The following GRID1 variants were observed in gnomAD, a reference collection of about 807,000 sequenced individuals.
GRID1 encodes glutamate ionotropic receptor delta type subunit 1, also known as glutamate receptor ionotropic, delta-1.
GRID1 carries 28 observed loss-of-function variants against 98.0 expected under a neutral mutation model. The ratio of observed to expected loss-of-function variants is 0.29; its 90% CI spans 0.21 to 0.39. The LOEUF (loss-of-function observed/expected upper bound fraction) is 0.39. Ranked by LOEUF, GRID1 falls within the 10% of genes least tolerant of loss-of-function variation. GRID1 has a pLI of 1.00. For missense variants in GRID1, 1,111 were observed against 1,340.5 expected, an observed-to-expected ratio of 0.83 and a Z score of 2.67; for synonymous variants, 553 against 538.5, an observed-to-expected ratio of 1.03 and a Z score of -0.37.
chr10:86,147,472 G>T (rs1455478120), intron 3 of GRID1, among the ~76,000 whole-genome samples: 1 of 152,110 alleles, frequency 6.6e-6, no homozygotes, highest in Non-Finnish European at 1.5e-5. Context: ...AAAACAGCAT[G>T]GTGCTGGTAC....
chr10:85,736,850 T>A (rs1279286887), intron 8 of GRID1, among the ~76,000 whole-genome samples: 1 of 152,124 alleles, frequency 6.6e-6, no homozygotes, highest in Non-Finnish European at 1.5e-5. Context: ...GAACAACATG[T>A]TTAGATACAA....
At chr10:86,132,721 A>T (rs1340025999) in intron 4 of GRID1, among the ~76,000 whole-genome samples, 2 of 152,366 alleles carry the variant, frequency 1.3e-5, no homozygotes, top group East Asian at 3.9e-4. Flanking sequence ...CTATAAATGT[A>T]TTAAAAAGCA....
chr10:85,865,918 T>TATATATATATATATATATAC (rs1843211802), intron 6 of GRID1, among the ~76,000 whole-genome samples: 2 of 94,530 alleles, frequency 2.1e-5, no homozygotes, highest in South Asian at 7.2e-4. Context: ...TATACATATA[T>TATATATATATATATATATAC]ATATATATAT....
At chr10:85,797,609 A>AT (rs746153179) in intron 8 of GRID1, among the ~76,000 whole-genome samples, 11,392 of 117,974 alleles carry the variant, frequency 0.097, 884 homozygotes, top group East Asian at 0.28. Context: ...CTAAATCTGT[A>AT]TTTTTTTTTT....
intron 8 of GRID1, among the ~76,000 whole-genome samples, chr10:85,764,415 G>T (rs1816340393): frequency 1.3e-5 from 2 of 152,334 alleles, no homozygotes; most frequent in Middle Eastern, 6.8e-3. Context: ...CAAGTCCTCA[G>T]TGAAGCCCAA....
chr10:86,345,022 C>T (rs1848362671), intron 2 of GRID1, among the ~76,000 whole-genome samples: 2 of 152,168 alleles, frequency 1.3e-5, no homozygotes, highest in South Asian at 4.1e-4. Flanking sequence ...TGGAGGGCCC[C>T]AGCAGGAATG....
chr10:86,203,857 G>A (rs1181600416), intron 3 of GRID1, among the ~76,000 whole-genome samples: 1 of 152,094 alleles, frequency 6.6e-6, no homozygotes, highest in Non-Finnish European at 1.5e-5. Context: ...GACTGATCAT[G>A]GTGTTTTCTG....
chr10:85,965,116 T>C (rs1288670378), intron 4 of GRID1, among the ~76,000 whole-genome samples: 1 of 152,170 alleles, frequency 6.6e-6, no homozygotes, highest in African/African-American at 2.4e-5. Flanking sequence ...AGAATGGCAA[T>C]CATTGAAAAG....
At position 85,601,677 on chromosome 10, in the gene GRID1, A is replaced by G. The variant is rs1842578006; in HGVS notation, c.*596T>C. 6.6e-6 allele frequency: 1 copy of G among 152,640 alleles called. No individual in the cohort carries two copies. Among genetic ancestry groups the G allele is most frequent in the Non-Finnish European group, 1.5e-5 (1 of 68,424 alleles). The allele number at this position is 152,640 out of a possible 1,614,324, so 9.5% of individuals were successfully genotyped here. A position where few individuals can be genotyped will look rare whatever the true frequency, so the allele number is the denominator to read the frequency against. On this transcript the variant is annotated 3_prime_UTR_variant, in exon 16 of 16. Coordinates refer to ENST00000327946, the MANE Select transcript of GRID1 (RefSeq NM_017551.3). ...CGTCCCGCAAGATCCAAGACAGGAC[A>G]GGATAGCCCTGAGTCCAGGGCACCT...
At chr10:86,270,664 T>C (rs1431002246) in intron 2 of GRID1, among the ~76,000 whole-genome samples, 1 of 151,958 alleles carries the variant, frequency 6.6e-6, no homozygotes, top group East Asian at 1.9e-4. Context: ...CACTCCAGCC[T>C]GGGCAATAGA....
intron 12 of GRID1, among the ~76,000 whole-genome samples, chr10:85,656,080 A>G (rs1840892021): frequency 6.6e-6 from 1 of 151,434 alleles, no homozygotes; most frequent in Non-Finnish European, 1.5e-5. Flanking sequence ...TGCCTCCATT[A>G]CCCTCTTCCC....
chr10:86,293,523 T>C (rs1462861793), intron 2 of GRID1, among the ~76,000 whole-genome samples: 1 of 152,166 alleles, frequency 6.6e-6, no homozygotes, highest in Non-Finnish European at 1.5e-5. Flanking sequence ...TGTTAAAGAC[T>C]TTTTTTGTTA....
intron 4 of GRID1, among the ~76,000 whole-genome samples, chr10:86,020,349 G>C (rs539873366): frequency 5.7e-4 from 87 of 152,302 alleles, no homozygotes; most frequent in African/African-American, 2.1e-3. Context: ...TGACAGGATG[G>C]TTCCTGGCGC....
intron 12 of GRID1, among the ~76,000 whole-genome samples, chr10:85,661,655 T>G (rs184023735): frequency 1.3e-5 from 2 of 152,280 alleles, no homozygotes; most frequent in African/African-American, 4.8e-5. Flanking sequence ...ATGCACCCAG[T>G]GGGGCAAAGC....
At chr10:85,970,374 A>T (rs1842392003) in intron 4 of GRID1, among the ~76,000 whole-genome samples, 1 of 152,120 alleles carries the variant, frequency 6.6e-6, no homozygotes, top group Non-Finnish European at 1.5e-5. Flanking sequence ...AGAAAAGAGG[A>T]CTACAGACCA....
intron 2 of GRID1, among the ~76,000 whole-genome samples, chr10:86,323,192 A>G (rs140148165): frequency 1.8e-3 from 273 of 152,376 alleles, no homozygotes; most frequent in African/African-American, 6.0e-3. Context: ...AAGCTGCAGC[A>G]GTAGATGGCA....
chr10:85,858,254 T>A (rs1332353686), intron 6 of GRID1, among the ~76,000 whole-genome samples: 1 of 152,112 alleles, frequency 6.6e-6, no homozygotes, highest in Non-Finnish European at 1.5e-5. Context: ...TGCAGAGGTG[T>A]CAAGAGTGTG....
chr10:86,362,620 C>T (rs1313755572), intron 2 of GRID1, among the ~76,000 whole-genome samples: 1 of 152,208 alleles, frequency 6.6e-6, no homozygotes, highest in African/African-American at 2.4e-5. Flanking sequence ...TCCCTGCCCC[C>T]AGAGCTGGCC....
intron 8 of GRID1, among the ~76,000 whole-genome samples, chr10:85,848,914 G>A (rs1050375998): frequency 6.6e-6 from 1 of 152,176 alleles, no homozygotes. Flanking sequence ...TCCATGAAGA[G>A]ACTCAAGTTT....
Sources: gnomAD v4.1 joint callset for allele counts (sites outside exome capture counted in the v4.1 genomes callset) on GRCh38, gnomAD v4.1.1 for gene constraint, MANE v1.5 for transcripts, NCBI Gene and HGNC (gene_info 2026-07-23, HGNC 2026-07-21) for gene names.